The following TBCK variants were observed in gnomAD, a reference collection of about 807,000 sequenced individuals.
The protein encoded by TBCK is TBC domain-containing protein kinase-like protein.
In TBCK, 99 loss-of-function variants were observed where a neutral mutation model predicts 113.4. That is an observed-to-expected ratio of 0.87 (90% CI 0.74 to 1.03). The LOEUF (loss-of-function observed/expected upper bound fraction) is 1.03, where lower values mean the gene tolerates loss of function less well. TBCK is among the 50% of genes least tolerant of loss of function. TBCK has a pLI of 0.00. For missense variants in TBCK, 1,045 were observed against 1,061.3 expected, an observed-to-expected ratio of 0.98 and a Z score of 0.21; for synonymous variants, 369 against 370.8, an observed-to-expected ratio of 1.00 and a Z score of 0.05.
In TBCK at chr4:106,045,006, T is replaced by C. The variant is rs1734090355; in HGVS notation, c.*1564A>G. ...TAATTAAAGGATATGCTATATTTCA[T>C]ATATATGAGGCATTTTTTTTTTCAG... On this transcript the variant is annotated 3_prime_UTR_variant, in exon 26 of 26. Coordinates refer to ENST00000394708, the MANE Select transcript of TBCK (RefSeq NM_001163435.3). 1 of 142,724 alleles carries C rather than the reference T, an allele frequency of 7.0e-6. No individual in the cohort carries two copies. The highest frequency in any genetic ancestry group is 2.2e-4 in the South Asian group (1 of 4,474). 8.8% of individuals were successfully genotyped at this position (142,724 alleles called of 1,614,324 possible).
At chr4:106,281,437 G>C (rs558613660) in intron 3 of TBCK, among the ~76,000 whole-genome samples, 1 of 152,024 alleles carries the variant, frequency 6.6e-6, no homozygotes, top group South Asian at 2.1e-4. Context: ...GTTCTAGCTA[G>C]GACTTCTGGT....
At position 106,251,846 on chromosome 4, in the gene TBCK, T is replaced by G. The variant is rs1761461531; in HGVS notation, c.597+20A>C. On this transcript the variant is annotated intron_variant, in intron 6 of 25. Coordinates refer to ENST00000394708, the MANE Select transcript of TBCK (RefSeq NM_001163435.3). The stretch of plus-strand genomic sequence containing the variant: ...AATGCACAATTTCCTTTTATTATAT[T>G]AATATTTCTTTATACATACCACACA... 1 of 1,492,316 alleles carries G rather than the reference T, an allele frequency of 6.7e-7. No individual in the cohort carries two copies. The highest frequency in any genetic ancestry group is 1.4e-5 in the African/African-American group (1 of 71,008). 92.4% of individuals were successfully genotyped at this position (1,492,316 alleles called of 1,614,324 possible). A position where few individuals can be genotyped will look rare whatever the true frequency, so the allele number is the denominator to read the frequency against.
Position 106,151,791 on chromosome 4 carries a change from T to C in TBCK, c.2235+19304A>G, listed in dbSNP as rs186236990. Among the ~76,000 whole-genome samples, 366 of 152,156 alleles carry C rather than the reference T, an allele frequency of 2.4e-3. 2 individuals carry two copies. The highest frequency in any genetic ancestry group is 6.8e-3 in the Middle Eastern group (2 of 294). On this transcript the variant is annotated intron_variant, in intron 23 of 25. Coordinates refer to ENST00000394708, the MANE Select transcript of TBCK (RefSeq NM_001163435.3). ...TATTAATGTTTCATAGTTTTCACTG[T>C]AGAGGTCTTTCACTTCTTTGGTTAA...
rs888288488 is a variant in TBCK, at chr4:106,316,021, C to G, written c.-120G>C. The stretch of plus-strand genomic sequence containing the variant: ...GCGCTGTCGCTGTGGCTGCTGCTGC[C>G]GCTACGGCTTAGTGCACCAGACGCT... On this transcript the variant is annotated 5_prime_UTR_variant, in exon 1 of 26. Coordinates refer to ENST00000394708, the MANE Select transcript of TBCK (RefSeq NM_001163435.3). 3 of 152,670 alleles carry G rather than the reference C, an allele frequency of 2.0e-5. No individual in the cohort carries two copies. The highest frequency in any genetic ancestry group is 4.4e-5 in the Non-Finnish European group (3 of 68,336). 9.5% of individuals were successfully genotyped at this position (152,670 alleles called of 1,614,324 possible). A position where few individuals can be genotyped will look rare whatever the true frequency, so the allele number is the denominator to read the frequency against.
At chr4:106,071,566 T>C (rs1447070889) in intron 25 of TBCK, among the ~76,000 whole-genome samples, 3 of 152,226 alleles carry the variant, frequency 2.0e-5, no homozygotes, top group Non-Finnish European at 4.4e-5. Flanking sequence ...AAGAAGAATG[T>C]ATATTCTGTT....
In TBCK at chr4:106,231,753, G is replaced by A; in HGVS notation, c.1666C>T (p.Leu556=). 3 of 1,609,746 alleles carry A rather than the reference G, an allele frequency of 1.9e-6. No homozygotes were observed. The highest frequency in any genetic ancestry group is 2.5e-6 in the Non-Finnish European group (3 of 1,177,824). ...QGLDSLCAPF[L]YLNFNNEALA... ...CCTTCATTATTGAAGTTTAGATATAGGAATGGAGCACAAAGTGAGTCAAGA... is the reference window on the plus strand; with the variant it reads ...CCTTCATTATTGAAGTTTAGATATAAGAATGGAGCACAAAGTGAGTCAAGA... Residue 556 remains leucine, a synonymous_variant, in exon 18 of 26, where the codon CTA becomes TTA. Transcript: ENST00000394708.
In TBCK at chr4:106,251,950, A is replaced by G; in HGVS notation, c.513T>C (p.Asp171=). ...VIAQGIFKTT[D]HMPSKKPLPS... is the part of the protein sequence containing the mutation. Reference sequence around the variant, plus strand: ...GCAATGGTTTTTTACTTGGCATGTGATCAGTGGTTTTGAAAATTCCCTGTG... The same window carrying G: ...GCAATGGTTTTTTACTTGGCATGTGGTCAGTGGTTTTGAAAATTCCCTGTG... Residue 171 remains aspartate (D), a synonymous_variant, in exon 6 of 26, where the codon GAT becomes GAC. Transcript: ENST00000394708. The G allele has an allele frequency of 6.2e-7, 1 of 1,612,128 alleles. No individual in the cohort carries two copies.
intron 23 of TBCK, among the ~76,000 whole-genome samples, chr4:106,129,384 T>C (rs1444857040): frequency 6.6e-6 from 1 of 152,172 alleles, no homozygotes; most frequent in Admixed American, 6.6e-5. Flanking sequence ...TAAGTGAACA[T>C]GCGGTGTTTG....
intron 25 of TBCK, among the ~76,000 whole-genome samples, chr4:106,069,708 G>A (rs895801773): frequency 1.3e-5 from 2 of 152,170 alleles, no homozygotes; most frequent in African/African-American, 2.4e-5. Context: ...GATGGGGATG[G>A]CATTGAATCT....
chr4:106,069,931 TTTGG>T (rs1397371911), intron 25 of TBCK, among the ~76,000 whole-genome samples: 1 of 152,108 alleles, frequency 6.6e-6, no homozygotes, highest in Non-Finnish European at 1.5e-5. Flanking sequence ...TCACTCATGA[TTTGG>T]TTGTTTGTCT....
chr4:106,087,915 G>A (rs1222467335), intron 25 of TBCK, among the ~76,000 whole-genome samples: 5 of 152,142 alleles, frequency 3.3e-5, no homozygotes, highest in Non-Finnish European at 7.4e-5. Context: ...ACTGGAACTG[G>A]CCTGGAGCCC....
chr4:106,244,818 A>T, intron 10 of TBCK, 54 bp from the exon 11 acceptor site: 1 of 1,137,794 alleles, frequency 8.8e-7, no homozygotes, highest in East Asian at 2.7e-5. Context: ...CTTTTATTAA[A>T]CGTCAACAGG....
At chr4:106,252,616 T>C (rs1579404063) in intron 5 of TBCK, among the ~76,000 whole-genome samples, 1 of 152,110 alleles carries the variant, frequency 6.6e-6, no homozygotes, top group African/African-American at 2.4e-5. Context: ...CTCATTCTTT[T>C]TGAAAACTCC....
chr4:106,310,760 G>T (rs1768115825), intron 1 of TBCK, among the ~76,000 whole-genome samples: 1 of 152,152 alleles, frequency 6.6e-6, no homozygotes, highest in South Asian at 2.1e-4. Context: ...AGAATCATCA[G>T]ATAGTTGAGG....
intron 23 of TBCK, among the ~76,000 whole-genome samples, chr4:106,144,568 T>A (rs895482703): frequency 2.0e-5 from 3 of 152,334 alleles, no homozygotes; most frequent in Non-Finnish European, 4.4e-5. Context: ...CAATAAATGC[T>A]GAATGAATAA....
chr4:106,218,505 A>G (rs1484402457), intron 19 of TBCK, among the ~76,000 whole-genome samples: 2 of 130,836 alleles, frequency 1.5e-5, no homozygotes, highest in Non-Finnish European at 3.2e-5. Flanking sequence ...TCTACAATGA[A>G]CTCAAACAAA....
chr4:106,211,743 T>C (rs1387133866), intron 20 of TBCK, among the ~76,000 whole-genome samples: 1 of 152,098 alleles, frequency 6.6e-6, no homozygotes, highest in African/African-American at 2.4e-5. Context: ...GCCCCCTCGG[T>C]ACCCATAACT....
At chr4:106,265,609 C>T (rs1228873558) in intron 3 of TBCK, among the ~76,000 whole-genome samples, 1 of 151,486 alleles carries the variant, frequency 6.6e-6, no homozygotes. Flanking sequence ...TCCAGCATTT[C>T]TATTATGTCC....
intron 3 of TBCK, among the ~76,000 whole-genome samples, chr4:106,264,464 G>C (rs899017899): frequency 1.3e-5 from 2 of 152,012 alleles, no homozygotes; most frequent in African/African-American, 2.4e-5. Context: ...AGATTAAAGT[G>C]ACAGGAGATA....
Sources: allele counts gnomAD v4.1 joint callset (sites outside exome capture counted in the v4.1 genomes callset), GRCh38; gene constraint gnomAD v4.1.1; transcripts MANE v1.5; gene names NCBI Gene and HGNC (gene_info 2026-07-23, HGNC 2026-07-21).